Variants in PFKP observed in about 807,000 individuals in gnomAD.
PFKP encodes the protein phosphofructokinase, platelet.
In PFKP, 101 loss-of-function variants were observed where a neutral mutation model predicts 94.3. The observed-to-expected ratio is 1.07, with a 90% CI of 0.91 to 1.26. The LOEUF (loss-of-function observed/expected upper bound fraction) is 1.26, where lower values mean the gene tolerates loss of function less well. PFKP is among the 50% of genes most tolerant of loss of function. The pLI is 0.00. For synonymous variants in PFKP, 573 were observed against 432.6 expected (o/e 1.32, Z -4.03); for missense variants, 1,145 against 1,103.3 (o/e 1.04, Z -0.53).
chr10:3,132,418 C>G lies in PFKP; in HGVS notation c.1887C>G (p.Thr629=). Reference sequence around the variant, plus strand: ...ACCTGACGGAGAAAATGAAGACCACCATCCAGAGAGGCCTTGTGCTCAGGT... The same window carrying G: ...ACCTGACGGAGAAAATGAAGACCACGATCCAGAGAGGCCTTGTGCTCAGGT... ...VEHLTEKMKT[T]IQRGLVLRNE... The change falls in exon 18 of 22, where the codon ACC becomes ACG. Residue 629 remains threonine (T), a synonymous_variant. Transcript: ENST00000381125. 1 of 1,612,004 alleles carries G rather than the reference C, an allele frequency of 6.2e-7. No individual in the cohort carries two copies. Among genetic ancestry groups the G allele is most frequent in the Non-Finnish European group, 8.5e-7 (1 of 1,178,084 alleles).
intron 1 of PFKP, among the ~76,000 whole-genome samples, chr10:3,079,311 T>A (rs1210012811): frequency 1.3e-5 from 2 of 151,890 alleles, no homozygotes; most frequent in African/African-American, 2.4e-5. Context: ...CTCAGCTCAC[T>A]GCAAGCTCCA....
At position 3,129,924 on chromosome 10, in the gene PFKP, G is replaced by A. The variant is rs373174373; in HGVS notation, c.1789G>A (p.Ala597Thr). The part of the protein sequence containing the change: ...CGYLANMGGL[A>T]AGADAAYIFE... The stretch of plus-strand genomic sequence containing the variant: ...CTACCTGGCCAACATGGGGGGGCTC[G>A]CGGCCGGAGCTGATGCCGCATACAT... The change falls in exon 17 of 22, where the codon GCG becomes ACG. Residue 597 changes from alanine to threonine, a missense_variant. Physicochemically the swap from Ala to Thr is moderately conservative, Grantham distance 58. Around this residue, in one of 3 missense-constraint regions of PFKP, gnomAD observed 1,119 missense variants for 1,062.8 expected, o/e 1.05. Transcript: ENST00000381125. The A allele has an allele frequency of 1.2e-6, 2 of 1,611,118 alleles. No homozygotes were observed. Among genetic ancestry groups the A allele is most frequent in the South Asian group, 1.1e-5 (1 of 90,796 alleles).
intron 1 of PFKP, among the ~76,000 whole-genome samples, chr10:3,080,438 A>T (rs1199480272): frequency 6.8e-6 from 1 of 147,702 alleles, no homozygotes; most frequent in African/African-American, 2.5e-5. Flanking sequence ...AATGGCGTGA[A>T]CCTGGGAGGC....
At chr10:3,117,329 A>C (rs1836935018) in intron 14 of PFKP, among the ~76,000 whole-genome samples, 1 of 152,212 alleles carries the variant, frequency 6.6e-6, no homozygotes, top group South Asian at 2.1e-4. Flanking sequence ...TCAGACCTAC[A>C]GTAAGCCTGG....
intron 16 of PFKP, among the ~76,000 whole-genome samples, chr10:3,120,329 G>A (rs1162557123): frequency 1.3e-5 from 2 of 151,706 alleles, no homozygotes; most frequent in African/African-American, 4.9e-5. Flanking sequence ...GAGGAGGGCT[G>A]GGTCGCAGTC....
In PFKP at chr10:3,129,808, T is replaced by C; in HGVS notation, c.1684-11T>C. On this transcript the variant is annotated splice_polypyrimidine_tract_variant and intron_variant, in intron 16 of 21. Transcript: ENST00000381125. ...CTGGGCTGGAGTGACTGATCGCTTC[T>C]CTGTGACCAGACCTGCGACCGCATC... 6.2e-7 allele frequency: 1 copy of C among 1,613,174 alleles called. No homozygotes were observed. The highest frequency in any genetic ancestry group is 1.1e-5 in the South Asian group (1 of 91,068).
At chr10:3,093,459 G>A (rs1358955872) in intron 2 of PFKP, among the ~76,000 whole-genome samples, 1 of 152,060 alleles carries the variant, frequency 6.6e-6, no homozygotes, top group Non-Finnish European at 1.5e-5. Context: ...GACTCTACAG[G>A]GTCTTTACCA....
rs377691717 is a variant in PFKP, at chr10:3,133,277, T to C, written c.1985T>C (p.Phe662Ser). The change falls in exon 19 of 22, where the codon TTT becomes TCT. Residue 662 changes from phenylalanine (F) to serine (S), a missense_variant. Phe to Ser is a radical substitution (Grantham distance 155). This residue lies in a region of PFKP where 1,119 missense variants were observed against 1,062.8 expected (regional missense o/e 1.05). Transcript: ENST00000381125. The part of the protein sequence containing the change: ...QLYSEEGKGV[F>S]DCRKNVLGHM... ...TATTCAGAAGAGGGCAAAGGCGTGT[T>C]TGACTGCAGGAAGAACGTGCTGGGT... 1.9e-6 allele frequency: 3 copies of C among 1,613,970 alleles called. No homozygotes were observed. The highest frequency in any genetic ancestry group is 1.3e-5 in the African/African-American group (1 of 74,930).
intron 6 of PFKP, 63 bp from the exon 7 acceptor site, chr10:3,105,330 C>A: frequency 1.4e-6 from 2 of 1,432,852 alleles, no homozygotes; most frequent in Non-Finnish European, 2.0e-6. Context: ...GAGCGGGGTG[C>A]CTGGGCTGCC....
At chr10:3,071,949 T>TCCGTGGTGGGG (rs1832228331) in intron 1 of PFKP, among the ~76,000 whole-genome samples, 1 of 152,192 alleles carries the variant, frequency 6.6e-6, no homozygotes, top group African/African-American at 2.4e-5. Flanking sequence ...TTCACAGAGC[T>TCCGTGGTGGGG]CCGTGGTGGG....
chr10:3,069,266 T>G, intron 1 of PFKP: 1 of 1,473,002 alleles, frequency 6.8e-7, no homozygotes, highest in Non-Finnish European at 9.1e-7. Flanking sequence ...TCAACGTTCT[T>G]CCTGCAGGGC....
chr10:3,069,467 G>A, intron 1 of PFKP: 1 of 1,363,798 alleles, frequency 7.3e-7, no homozygotes. Flanking sequence ...AGCAGAGGGA[G>A]CACCTTGAGT....
intron 1 of PFKP, among the ~76,000 whole-genome samples, chr10:3,073,254 C>T (rs1832333865): frequency 6.6e-6 from 1 of 152,026 alleles, no homozygotes; most frequent in South Asian, 2.1e-4. Flanking sequence ...AGAATGGAGG[C>T]ATCACTCAGT....
intron 16 of PFKP, among the ~76,000 whole-genome samples, chr10:3,121,793 C>CTTT (rs140725084): frequency 3.1e-5 from 3 of 96,876 alleles, no homozygotes; most frequent in Admixed American, 1.2e-4. Flanking sequence ...TAAACAATTT[C>CTTT]TTTTTTTTTC....
Position 3,067,764 on chromosome 10 carries a change from C to CGGA in PFKP, c.112+57_112+58insGGA, listed in dbSNP as rs1482705434. On this transcript the variant is annotated intron_variant, in intron 1 of 21. Coordinates refer to ENST00000381125, the MANE Select transcript of PFKP (RefSeq NM_002627.5). ...GACGGACGGACGGAGCTGGGGAGAA[C>CGGA]CGGGCGAAGGCGATGGGGTGACCGG... 2.0e-3 allele frequency: 1,896 copies of CGGA among 937,784 alleles called. 36 individuals are homozygous for CGGA. The highest frequency in any genetic ancestry group is 7.7e-3 in the East Asian group (235 of 30,552). 58.1% of individuals were successfully genotyped at this position (937,784 alleles called of 1,614,324 possible).
intron 16 of PFKP, among the ~76,000 whole-genome samples, chr10:3,128,696 C>T (rs992969665): frequency 4.6e-5 from 7 of 152,268 alleles, no homozygotes; most frequent in African/African-American, 1.7e-4. Flanking sequence ...CCTCTGCGCC[C>T]CTCATCTGCT....
intron 16 of PFKP, chr10:3,125,362 G>A: frequency 1.2e-6 from 1 of 840,152 alleles, no homozygotes. Context: ...CCCTTTGTTA[G>A]CTTGGCTTTA....
At chr10:3,129,104 T>C (rs1265944524) in intron 16 of PFKP, 2 of 152,224 alleles carry the variant, frequency 1.3e-5, no homozygotes, top group African/African-American at 2.4e-5. Flanking sequence ...GAAGAGGGCG[T>C]TGCAGCCGGA....
chr10:3,083,630 T>C (rs186647229), intron 2 of PFKP, among the ~76,000 whole-genome samples: 101 of 127,762 alleles, frequency 7.9e-4, no homozygotes, highest in African/African-American at 2.8e-3. Context: ...TTCACGACTG[T>C]TGCTTTAACT....
Sources: gnomAD v4.1 joint callset for allele counts (sites outside exome capture counted in the v4.1 genomes callset) on GRCh38, gnomAD v4.1.1 for gene constraint, gnomAD v4.1.1 regional missense constraint, MANE v1.5 for transcripts, NCBI Gene and HGNC (gene_info 2026-07-23, HGNC 2026-07-21) for gene names.